The following TENM2 variants were observed in gnomAD, a reference collection of about 807,000 sequenced individuals.
TENM2 encodes teneurin-2.
A neutral mutation model predicts 245.2 loss-of-function variants in TENM2; 52 were observed. That is an observed-to-expected ratio of 0.21 (90% CI 0.17 to 0.27). TENM2 has a LOEUF of 0.27. TENM2 is among the 10% of genes least tolerant of loss of function. The probability of loss-of-function intolerance (pLI) is 1.00; values close to 1 mark genes in which losing one functional copy is unlikely to be tolerated. For synonymous variants in TENM2, 1,363 were observed against 1,438.9 expected (o/e 0.95, Z 1.19); for missense variants, 3,046 against 3,666.8 (o/e 0.83, Z 4.37).
At chr5:167,014,957 T>C in the TENM2 span, among the ~76,000 whole-genome samples, 4 of 152,234 alleles carry the variant, frequency 2.6e-5, no homozygotes, top group African/African-American at 9.6e-5. Flanking sequence ...CTTTATGGTT[T>C]GGCTGCCTGT....
In TENM2 at chr5:167,523,394, G is replaced by A. The variant is rs142364284; in HGVS notation, c.502+147921G>A. Among the ~76,000 whole-genome samples the A allele has an allele frequency of 1.5e-4, 23 of 152,252 alleles. 1 individual carries two copies. Among genetic ancestry groups the A allele is most frequent in the Non-Finnish European group, 2.2e-4 (15 of 68,024 alleles). On this transcript the variant is annotated intron_variant, in intron 2 of 28. Coordinates refer to ENST00000518659, the Ensembl canonical transcript of TENM2. ...GGTTGCACACAGGAATGTGGGCTCC[G>A]TGTTGTAGGATCTTCCCATTTTAAA...
chr5:167,152,787 G>C, the TENM2 span, among the ~76,000 whole-genome samples: 2 of 152,124 alleles, frequency 1.3e-5, no homozygotes, highest in East Asian at 3.9e-4. Flanking sequence ...CTCTAGGGCA[G>C]GACAGAGCAG....
the TENM2 span, among the ~76,000 whole-genome samples, chr5:167,273,552 A>C: frequency 6.6e-6 from 1 of 152,326 alleles, no homozygotes; most frequent in Admixed American, 6.5e-5. Flanking sequence ...CAACTGTATT[A>C]GGATTAAGAG....
intron 2 of TENM2, among the ~76,000 whole-genome samples, chr5:167,845,575 A>G (rs1250094049): frequency 6.6e-6 from 1 of 152,186 alleles, no homozygotes; most frequent in African/African-American, 2.4e-5. Context: ...ATAGATGCTT[A>G]AAACAGCTGG....
At chr5:167,517,032 A>G (rs1486952217) in intron 2 of TENM2, among the ~76,000 whole-genome samples, 2 of 152,230 alleles carry the variant, frequency 1.3e-5, no homozygotes, top group Non-Finnish European at 2.9e-5. Context: ...CAACTTTTAA[A>G]AAATGTGTAC....
chr5:167,944,253 C>CTTTCTTG (rs1779420280), intron 3 of TENM2, among the ~76,000 whole-genome samples: 1 of 152,168 alleles, frequency 6.6e-6, no homozygotes, highest in African/African-American at 2.4e-5. Context: ...TCCCCTTATC[C>CTTTCTTG]TTTCTTGTTT....
At chr5:167,769,058 C>T (rs1466122269) in intron 2 of TENM2, among the ~76,000 whole-genome samples, 1 of 152,170 alleles carries the variant, frequency 6.6e-6, no homozygotes, top group Non-Finnish European at 1.5e-5. Context: ...TATGGAATCT[C>T]CTTTTTAAAA....
chr5:167,181,441 T>A, the TENM2 span, among the ~76,000 whole-genome samples: 1 of 150,284 alleles, frequency 6.7e-6, no homozygotes, highest in African/African-American at 2.5e-5. Context: ...TTCTCTGTTT[T>A]TTTTTTTCCT....
At chr5:167,521,458 C>G (rs1242755251) in intron 2 of TENM2, among the ~76,000 whole-genome samples, 1 of 152,142 alleles carries the variant, frequency 6.6e-6, no homozygotes. Flanking sequence ...TGGTGAAAAC[C>G]ACTAAATTTA....
the TENM2 span, among the ~76,000 whole-genome samples, chr5:167,187,879 C>T: frequency 4.6e-5 from 7 of 152,034 alleles, no homozygotes; most frequent in South Asian, 2.1e-4. Flanking sequence ...TACATTCTGT[C>T]GTGACTAAAA....
At chr5:167,030,691 C>T in the TENM2 span, among the ~76,000 whole-genome samples, 1 of 152,204 alleles carries the variant, frequency 6.6e-6, no homozygotes, top group African/African-American at 2.4e-5. Context: ...TGTAGTAACG[C>T]GAGCAGAGCA....
the TENM2 span, among the ~76,000 whole-genome samples, chr5:166,995,942 C>T: frequency 1.3e-5 from 2 of 151,084 alleles, no homozygotes; most frequent in Non-Finnish European, 2.9e-5. Flanking sequence ...GTCCTTGAAT[C>T]GGTTGCCCAT....
intron 2 of TENM2, among the ~76,000 whole-genome samples, chr5:167,478,312 T>C (rs1167240342): frequency 4.6e-5 from 7 of 152,200 alleles, no homozygotes; most frequent in Admixed American, 4.6e-4. Flanking sequence ...GTTTAACTCA[T>C]TGTGATAAAA....
intron 1 of TENM2, among the ~76,000 whole-genome samples, chr5:167,292,069 C>G (rs562438423): frequency 2.6e-5 from 4 of 152,250 alleles, no homozygotes; most frequent in African/African-American, 9.6e-5. Context: ...CATCAAATCT[C>G]ATGAGACTTA....
At chr5:167,410,853 A>T (rs1484426752) in intron 2 of TENM2, among the ~76,000 whole-genome samples, 1 of 152,056 alleles carries the variant, frequency 6.6e-6, no homozygotes, top group Admixed American at 6.6e-5. Flanking sequence ...AGTGCATTGT[A>T]TTTAGCATGG....
At chr5:168,156,672 T>A (rs1757213902) in intron 12 of TENM2, among the ~76,000 whole-genome samples, 1 of 152,210 alleles carries the variant, frequency 6.6e-6, no homozygotes, top group Non-Finnish European at 1.5e-5. Flanking sequence ...CTAATTTTTG[T>A]TAAGGCAAAA....
chr5:167,872,338 GAAA>G (rs1173330535), intron 2 of TENM2, among the ~76,000 whole-genome samples: 190 of 65,690 alleles, frequency 2.9e-3, no homozygotes, highest in African/African-American at 7.0e-3. Context: ...AAGAAAGAAA[GAAA>G]GAAAGAAAGA....
intron 1 of TENM2, among the ~76,000 whole-genome samples, chr5:167,327,785 G>T (rs1026439652): frequency 6.6e-6 from 1 of 152,170 alleles, no homozygotes; most frequent in Non-Finnish European, 1.5e-5. Context: ...GGAAGAGAAT[G>T]GTGAAATAGG....
the TENM2 span, among the ~76,000 whole-genome samples, chr5:167,199,616 C>T: frequency 6.6e-6 from 1 of 152,142 alleles, no homozygotes; most frequent in East Asian, 1.9e-4. Context: ...TCTGCTGTTA[C>T]TCTTACTGGC....
Sources: gnomAD v4.1 joint callset for allele counts (sites outside exome capture counted in the v4.1 genomes callset) on GRCh38, gnomAD v4.1.1 for gene constraint, MANE v1.5 for transcripts, NCBI Gene and HGNC (gene_info 2026-07-23, HGNC 2026-07-21) for gene names.